CD34: variants seen among roughly 807,000 people sequenced by gnomAD.
CD34 encodes CD34 molecule, also known as hematopoietic progenitor cell antigen CD34.
CD34 carries 34 observed loss-of-function variants against 40.1 expected under a neutral mutation model. That is an observed-to-expected ratio of 0.85 (90% CI 0.65 to 1.13). CD34 has a LOEUF of 1.13. CD34 is among the 50% of genes most tolerant of loss of function. The pLI is 0.00. For missense variants in CD34, 426 were observed against 466.9 expected (o/e 0.91, Z 0.81); for synonymous variants, 209 against 190.0 (o/e 1.10, Z -0.82).
intron 6 of CD34, 59 bp downstream of exon 6, chr1:207,889,102 T>A (rs1661972785): frequency 9.2e-7 from 1 of 1,081,840 alleles, no homozygotes; most frequent in Non-Finnish European, 1.4e-6. Flanking sequence ...CCCCCCTTAC[T>A]CCAGGGAGCC....
At position 207,889,162 on chromosome 1, in the gene CD34, T is replaced by C. The variant is rs1233824707; in HGVS notation, c.806A>G (p.Lys269Arg). ...LMKKHQSDLK[K>R]LGILDFTEQD... is the part of the protein sequence containing the mutation. ...GGCCCATCATCTCAGAGGACTTACC[T>C]TTTTCAGGTCAGATTGGTGCTTTTT... The change falls in exon 6 of 8, where the codon AAG (lysine) becomes AGG (arginine). Residue 269 changes from lysine (K) to arginine (R), a missense_variant and splice_region_variant. By Grantham distance (26) the Lys-to-Arg change is conservative. Transcript: ENST00000310833. The C allele has an allele frequency of 6.4e-7, 1 of 1,566,682 alleles. No individual in the cohort carries two copies. Among genetic ancestry groups the C allele is most frequent in the Admixed American group, 1.7e-5 (1 of 59,986 alleles).
rs150504969 is a variant in CD34, at chr1:207,889,325, G to C, written c.755-112C>G. 34 of 1,562,438 alleles carry C rather than the reference G, an allele frequency of 2.2e-5. No homozygotes were observed. In the East Asian group the frequency reaches 7.4e-4, roughly 34 times the overall value. ...GATGGCCAGGGTGGTCCATCTCGGG[G>C]GGACCGCTCCCAAAGCCAGCCAAGT... is the stretch of plus-strand genomic sequence containing the variant. On this transcript the variant is annotated intron_variant, in intron 5 of 7. Coordinates refer to ENST00000310833, the MANE Select transcript of CD34 (RefSeq NM_001025109.2).
Position 207,888,691 on chromosome 1 carries a change from TC to T in CD34, c.962del (p.Gly321GlufsTer35). 6.2e-7 allele frequency: 1 copy of T among 1,614,110 alleles called. No homozygotes were observed. Among genetic ancestry groups the T allele is most frequent in the Non-Finnish European group, 8.5e-7 (1 of 1,180,014 alleles). On this transcript the variant is annotated frameshift_variant, in exon 7 of 8. Coordinates refer to ENST00000310833, the MANE Select transcript of CD34 (RefSeq NM_001025109.2). LOFTEE classifies it high-confidence loss of function. Reference protein sequence around the residue: ...LMNRRSWSPTGERLGEDPYYT... With the variant: ...LMNRRSWSPTXERLGEDPYYT... ...GGCCCCCAGAACTGACCAGCCTTTC[TC>T]CTGTGGGGCTCCAGCTGCGGCGATT...
At chr1:207,899,779 C>A (rs372408354) in intron 2 of CD34, 42 bp downstream of exon 2, 1 of 1,552,856 alleles carries the variant, frequency 6.4e-7, no homozygotes, top group Non-Finnish European at 8.8e-7. Context: ...ACCCAAGCAT[C>A]ACCAGCATCT....
At chr1:207,902,012 C>T (rs929934954) in intron 1 of CD34, among the ~76,000 whole-genome samples, 1 of 152,174 alleles carries the variant, frequency 6.6e-6, no homozygotes, top group Admixed American at 6.5e-5. Flanking sequence ...GGCTTCACGG[C>T]CATCAACCTG....
At position 207,906,076 on chromosome 1, in the gene CD34, C is replaced by G. The variant is rs369771326; in HGVS notation, c.79+4926G>C. On this transcript the variant is annotated intron_variant, in intron 1 of 7. Transcript: ENST00000310833. ...AGAGTACAAAATGAGAGCTGGATCT[C>G]TTTCCTCCATTAGGTGTTAGTGTCA... Among the ~76,000 whole-genome samples the G allele has an allele frequency of 1.4e-4, 22 of 152,298 alleles. No individual in the cohort carries two copies. The East Asian group carries it at 3.7e-3, about 25-fold the overall frequency.
At chr1:207,897,388 C>T (rs1662171776) in intron 4 of CD34, 105 bp downstream of exon 4, 3 of 832,372 alleles carry the variant, frequency 3.6e-6, no homozygotes, top group East Asian at 2.7e-5. Flanking sequence ...CTCCCCGGAC[C>T]CCTACTCAAA....
chr1:207,883,242 A>G lies in CD34; in HGVS notation c.*4496T>C, dbSNP rs1351543709. On this transcript the variant is annotated 3_prime_UTR_variant, in exon 8 of 8. Coordinates refer to ENST00000310833, the MANE Select transcript of CD34 (RefSeq NM_001025109.2). ...CTTTGACAGTACCTTATCTTTCCCC[A>G]TCACTACATATTGTATGTACTCTTC... The G allele has an allele frequency of 3.3e-5, 5 of 152,108 alleles. No homozygotes were observed. Among genetic ancestry groups the G allele is most frequent in the Admixed American group, 3.3e-4 (5 of 15,282 alleles). The allele number at this position is 152,108 out of a possible 1,614,324, so 9.4% of individuals were successfully genotyped here. A position where few individuals can be genotyped will look rare whatever the true frequency, so the allele number is the denominator to read the frequency against.
rs1490872791 is a variant in CD34, at chr1:207,887,295, C to T, written c.*443G>A. 1 of 167,964 alleles carries T rather than the reference C, an allele frequency of 6.0e-6. No individual in the cohort carries two copies. Among genetic ancestry groups the T allele is most frequent in the African/African-American group, 2.4e-5 (1 of 41,774 alleles). The allele number at this position is 167,964 out of a possible 1,614,324, so 10.4% of individuals were successfully genotyped here. ...CAGGTGCAAAAGGTTACTTTGGTTT[C>T]CTCAAAGTAGAGAAAGAAAATACAG... is the stretch of plus-strand genomic sequence containing the variant. On this transcript the variant is annotated 3_prime_UTR_variant, in exon 8 of 8. Coordinates refer to ENST00000310833, the MANE Select transcript of CD34 (RefSeq NM_001025109.2).
chr1:207,902,538 A>T (rs903356560), intron 1 of CD34, among the ~76,000 whole-genome samples: 6 of 152,140 alleles, frequency 3.9e-5, no homozygotes, highest in African/African-American at 1.4e-4. Context: ...CAGACACTGA[A>T]TTAAAGGATC....
intron 1 of CD34, among the ~76,000 whole-genome samples, chr1:207,907,515 T>C (rs1662405096): frequency 6.6e-6 from 1 of 152,342 alleles, no homozygotes; most frequent in East Asian, 1.9e-4. Flanking sequence ...TGCCTAGGGA[T>C]GCCACTCCTC....
intron 1 of CD34, 98 bp downstream of exon 1, chr1:207,910,904 T>TC (rs1440680092): frequency 8.0e-7 from 1 of 1,252,266 alleles, no homozygotes; most frequent in Non-Finnish European, 1.1e-6. Context: ...AGGGGTCCCT[T>TC]CCCTCCGTGA....
At position 207,888,822 on chromosome 1, in the gene CD34, G is replaced by C. The variant is rs1246966902; in HGVS notation, c.832C>G (p.Gln278Glu). 6.2e-7 allele frequency: 1 copy of C among 1,614,164 alleles called. No homozygotes were observed. Among genetic ancestry groups the C allele is most frequent in the Non-Finnish European group, 8.5e-7 (1 of 1,180,026 alleles). The change falls in exon 7 of 8, where the codon CAA (glutamine) becomes GAA (glutamate). Residue 278 changes from glutamine to glutamate, a missense_variant. Transcript: ENST00000310833. ...KKLGILDFTE[Q>E]DVASHQSYSQ... ...TAGCTCTGGTGGCTTGCAACATCTTGCTCAGTGAAATCTAGGATCCCCAGC... is the reference window on the plus strand; with the variant it reads ...TAGCTCTGGTGGCTTGCAACATCTTCCTCAGTGAAATCTAGGATCCCCAGC...
intron 4 of CD34, among the ~76,000 whole-genome samples, chr1:207,894,064 G>A (rs2796253): frequency 0.24 from 36,379 of 152,080 alleles, 5,084 homozygotes; most frequent in Non-Finnish European, 0.33. Context: ...ATCCCCAAAA[G>A]GACTCAAATC....
At chr1:207,904,353 CA>C in intron 1 of CD34, among the ~76,000 whole-genome samples, 1 of 152,190 alleles carries the variant, frequency 6.6e-6, no homozygotes, top group Non-Finnish European at 1.5e-5. Context: ...GATGAAGGGA[CA>C]TGCCAGCCTC....
chr1:207,897,576 G>T lies in CD34; in HGVS notation c.517-3C>A. ...ATGCCTGAACATTTGATTTCTGCCT[G>T]TATTAAAACAAAAACAATAACAAAA... On this transcript the variant is annotated splice_region_variant and splice_polypyrimidine_tract_variant and intron_variant, in intron 3 of 7. Coordinates refer to ENST00000310833, the MANE Select transcript of CD34 (RefSeq NM_001025109.2). The T allele has an allele frequency of 6.5e-7, 1 of 1,548,554 alleles. No individual in the cohort carries two copies. Among genetic ancestry groups the T allele is most frequent in the South Asian group, 1.2e-5 (1 of 84,072 alleles).
intron 1 of CD34, among the ~76,000 whole-genome samples, chr1:207,906,617 G>A (rs1662387282): frequency 6.6e-6 from 1 of 152,132 alleles, no homozygotes; most frequent in African/African-American, 2.4e-5. Flanking sequence ...GGCCGATGTG[G>A]GTGGATCATC....
chr1:207,903,527 G>T (rs1184261546), intron 1 of CD34, among the ~76,000 whole-genome samples: 2 of 152,128 alleles, frequency 1.3e-5, no homozygotes, highest in African/African-American at 4.8e-5. Flanking sequence ...TTTCCCTAGG[G>T]ACTCCATTTG....
chr1:207,897,899 T>C (rs1662183554), intron 3 of CD34, among the ~76,000 whole-genome samples: 1 of 152,144 alleles, frequency 6.6e-6, no homozygotes, highest in South Asian at 2.1e-4. Flanking sequence ...TTGGGTTGTT[T>C]TCTCTCCAGT....
Sources: gnomAD v4.1 joint callset for allele counts (sites outside exome capture counted in the v4.1 genomes callset) on GRCh38, gnomAD v4.1.1 for gene constraint, MANE v1.5 for transcripts, NCBI Gene and HGNC (gene_info 2026-07-23, HGNC 2026-07-21) for gene names.